The following IGF2 variants were observed in gnomAD, a reference collection of about 807,000 sequenced individuals.
The protein encoded by IGF2 is insulin-like growth factor 2.
A neutral mutation model predicts 12.0 loss-of-function variants in IGF2; 2 were observed. That is an observed-to-expected ratio of 0.17 (90% confidence interval 0.07 to 0.52). The LOEUF is 0.52. IGF2 is among the 20% of genes least tolerant of loss of function. The pLI is 0.95. For missense variants in IGF2, 211 were observed against 268.0 expected, an observed-to-expected ratio of 0.79 and a Z score of 1.48; for synonymous variants, 105 against 110.1, an observed-to-expected ratio of 0.95 and a Z score of 0.29.
upstream of IGF2, among the ~76,000 whole-genome samples, chr11:2,145,978 G>T (rs1002791360): frequency 1.3e-5 from 2 of 151,968 alleles, no homozygotes; most frequent in Non-Finnish European, 2.9e-5. Context: ...AGGGGGCCAG[G>T]GTCTCCTCCC....
chr11:2,148,016 G>A, the IGF2 span: 1 of 400,056 alleles, frequency 2.5e-6, no homozygotes, highest in Non-Finnish European at 4.4e-6. The surrounding 1 kb of genome is among the most constrained non-coding windows in gnomAD (Gnocchi z 4.3). Flanking sequence ...AAGAAGTGGT[G>A]AGAAGTTTGC....
At chr11:2,148,880 C>T in the IGF2 span, 1 of 554,952 alleles carries the variant, frequency 1.8e-6, no homozygotes, top group Non-Finnish European at 3.2e-6. The surrounding 1 kb of genome is among the most constrained non-coding windows in gnomAD (Gnocchi z 4.3). Flanking sequence ...ATTTTCCTTG[C>T]AAAAGCCTCA....
chr11:2,148,151 G>A, the IGF2 span: 11 of 237,956 alleles, frequency 4.6e-5, no homozygotes, highest in East Asian at 3.2e-4. The surrounding 1 kb of genome is among the most constrained non-coding windows in gnomAD (Gnocchi z 4.3). Context: ...CGAATGGCCC[G>A]CCTTGAGGGG....
chr11:2,144,800 G>T (rs966450878), upstream of IGF2, among the ~76,000 whole-genome samples: 1 of 152,084 alleles, frequency 6.6e-6, no homozygotes, highest in Admixed American at 6.5e-5. Flanking sequence ...AGGGGGCACC[G>T]CTGGGGACCA....
In IGF2 at chr11:2,132,887, G is replaced by A. The variant is rs891509994; in HGVS notation, c.*100C>T. On this transcript the variant is annotated 3_prime_UTR_variant, in exon 4 of 4. Coordinates refer to ENST00000416167, the MANE Select transcript of IGF2 (RefSeq NM_000612.6). Reference sequence around the variant, plus strand: ...TCAGGAGAAGCCCCAGGGGGACGTGGAACCGAGAGATTTTCGGGATGGAAC... The same window carrying A: ...TCAGGAGAAGCCCCAGGGGGACGTGAAACCGAGAGATTTTCGGGATGGAAC... The A allele has an allele frequency of 4.8e-6, 4 of 840,404 alleles. No individual in the cohort carries two copies. The South Asian group carries it at 5.2e-5, about 11-fold the overall frequency. The allele number at this position is 840,404 out of a possible 1,614,324, so 52.1% of individuals were successfully genotyped here. A position where few individuals can be genotyped will look rare whatever the true frequency, so the allele number is the denominator to read the frequency against.
chr11:2,146,508 C>G, the IGF2 span: 2 of 439,784 alleles, frequency 4.5e-6, no homozygotes, highest in African/African-American at 4.0e-5. Flanking sequence ...CAAGGCTGCT[C>G]AATCTGCCCA....
rs933361896 is a variant in IGF2 at position 2,131,995 on chromosome 11, TTG to T, written c.*990_*991del. On this transcript the variant is annotated 3_prime_UTR_variant, in exon 4 of 4. Coordinates refer to ENST00000416167, the MANE Select transcript of IGF2 (RefSeq NM_000612.6). ...GTGTGTGCGTGTGTGTGCTGTGCGT[TTG>T]TGTGTGTGCTGTGTGCTCATCTGTG... 9 of 168,320 alleles carry T rather than the reference TTG, an allele frequency of 5.3e-5. No homozygotes were observed. Among genetic ancestry groups the T allele is most frequent in the East Asian group, 2.7e-4 (3 of 11,058 alleles). The allele number at this position is 168,320 out of a possible 1,614,324, so 10.4% of individuals were successfully genotyped here.
chr11:2,134,248 TG>T, intron 2 of IGF2: 1 of 438,030 alleles, frequency 2.3e-6, no homozygotes, highest in African/African-American at 2.1e-5. Flanking sequence ...GGAAGGTCGC[TG>T]GGGGCTCCAC....
upstream of IGF2, chr11:2,140,334 A>G: frequency 6.3e-7 from 1 of 1,583,904 alleles, no homozygotes; most frequent in Non-Finnish European, 8.6e-7. Flanking sequence ...AAGCACTGTG[A>G]TTTTTACCAA....
At chr11:2,137,533 G>C (rs868693421) in intron 1 of IGF2, among the ~76,000 whole-genome samples, 17 of 152,040 alleles carry the variant, frequency 1.1e-4, no homozygotes, top group African/African-American at 2.9e-4. Flanking sequence ...CAGTGAAGGG[G>C]GGGGGGGTCT....
chr11:2,133,536 G>T lies in IGF2; in HGVS notation c.287C>A (p.Thr96Asn). The change falls in exon 3 of 4, where the codon ACC becomes AAC. Residue 96 changes from threonine to asparagine, a missense_variant. This residue lies in a region of IGF2 where 141 missense variants were observed against 153.1 expected (regional missense o/e 0.92). Transcript: ENST00000416167. This position sits in a 1 kb window ranked among gnomAD's most constrained non-coding sequence, Gnocchi z 8.9. The stretch of plus-strand genomic sequence containing the variant: ...CCTCACCGGAAGCACGGTCGGAGGG[G>T]TCGACACGTCCCTCTCGGACTTGGC... ...TPAKSERDVS[T>N]PPTVLPDNFP... 1 of 1,612,556 alleles carries T rather than the reference G, an allele frequency of 6.2e-7. No homozygotes were observed. Among genetic ancestry groups the T allele is most frequent in the Non-Finnish European group, 8.5e-7 (1 of 1,179,688 alleles).
At chr11:2,143,916 A>T (rs535365768), upstream of IGF2, among the ~76,000 whole-genome samples, 126 of 152,210 alleles carry the variant, frequency 8.3e-4, 1 homozygote, top group South Asian at 0.016. Flanking sequence ...CGGGCAGCGG[A>T]AGGAAGGCGC....
chr11:2,133,307 CCT>C lies in IGF2; in HGVS notation c.307-86_307-85del, dbSNP rs1276085525. On this transcript the variant is annotated intron_variant, in intron 3 of 3. Coordinates refer to ENST00000416167, the MANE Select transcript of IGF2 (RefSeq NM_000612.6). This position sits in a 1 kb window ranked among gnomAD's most constrained non-coding sequence, Gnocchi z 8.9. ...CGCCCGCCTGACCTGACAGGCCACC[CCT>C]GTGACTGATCAGTGACTTGAGCTAA... The C allele has an allele frequency of 9.2e-7, 1 of 1,085,576 alleles. No individual in the cohort carries two copies. Among genetic ancestry groups the C allele is most frequent in the East Asian group, 2.5e-5 (1 of 39,484 alleles). The allele number at this position is 1,085,576 out of a possible 1,614,324, so 67.2% of individuals were successfully genotyped here. A position where few individuals can be genotyped will look rare whatever the true frequency, so the allele number is the denominator to read the frequency against.
intron 1 of IGF2, among the ~76,000 whole-genome samples, chr11:2,136,517 G>A (rs1859065242): frequency 6.6e-6 from 1 of 152,254 alleles, no homozygotes; most frequent in Admixed American, 6.5e-5. Context: ...GGGGTGGGAG[G>A]CCGGGAGCCA....
In IGF2 at chr11:2,138,855, G is replaced by C. The variant is rs1418981880; in HGVS notation, c.-633C>G. ...GGAAGGGCGCCACGTCGAGGGGCCG[G>C]GGGAGGCGGTGACTGGGGGGCGGAG... On this transcript the variant is annotated 5_prime_UTR_variant, in exon 1 of 4. Transcript: ENST00000416167. 1 of 971,828 alleles carries C rather than the reference G, an allele frequency of 1.0e-6. No homozygotes were observed. Among genetic ancestry groups the C allele is most frequent in the African/African-American group, 1.8e-5 (1 of 56,696 alleles). 60.2% of individuals were successfully genotyped at this position (971,828 alleles called of 1,614,324 possible).
chr11:2,130,594 A>G lies in IGF2; in HGVS notation c.*2393T>C, dbSNP rs907090633. 9.1e-6 allele frequency: 2 copies of G among 219,220 alleles called. No individual in the cohort carries two copies. Among genetic ancestry groups the G allele is most frequent in the Non-Finnish European group, 1.8e-5 (2 of 108,670 alleles). 13.6% of individuals were successfully genotyped at this position (219,220 alleles called of 1,614,324 possible). ...AGGAGGGGTAAAAAAAAAACAAAAA[A>G]AAAAAAAAAAGGAAAAATGCCCCAA... On this transcript the variant is annotated 3_prime_UTR_variant, in exon 4 of 4. Coordinates refer to ENST00000416167, the MANE Select transcript of IGF2 (RefSeq NM_000612.6).
chr11:2,135,550 G>C, intron 1 of IGF2, 21 bp from the exon 2 acceptor site: 1 of 1,605,800 alleles, frequency 6.2e-7, no homozygotes, highest in Non-Finnish European at 8.5e-7. Flanking sequence ...GAGAGAAGTG[G>C]CGTGAGCGGG....
chr11:2,140,643 A>T, upstream of IGF2: 1 of 499,218 alleles, frequency 2.0e-6, no homozygotes, highest in Middle Eastern at 4.5e-4. Flanking sequence ...AGATCTTTGC[A>T]ATGAGCAAAC....
chr11:2,131,414 T>G lies in IGF2; in HGVS notation c.*1573A>C, dbSNP rs79531557. ...ATATGCTTATTGTTTTCATCCAATT[T>G]TGTGGGGGTGTGCGTGTGTGTGCGC... On this transcript the variant is annotated 3_prime_UTR_variant, in exon 4 of 4. Transcript: ENST00000416167. The G allele has an allele frequency of 0.034, 7,945 of 233,274 alleles. 603 individuals carry two copies. The highest frequency in any genetic ancestry group is 0.16 in the African/African-American group (7,098 of 45,392). 14.5% of individuals were successfully genotyped at this position (233,274 alleles called of 1,614,324 possible).
Sources: allele counts gnomAD v4.1 joint callset (sites outside exome capture counted in the v4.1 genomes callset), GRCh38; gene constraint gnomAD v4.1.1; regional missense constraint gnomAD v4.1.1; non-coding constraint Gnocchi (gnomAD v3.1); transcripts MANE v1.5; gene names NCBI Gene and HGNC (gene_info 2026-07-23, HGNC 2026-07-21).